The following TTLL7 variants were observed in gnomAD, a reference collection of about 807,000 sequenced individuals.
The protein encoded by TTLL7 is tubulin tyrosine ligase like 7.
In TTLL7, 53 loss-of-function variants were observed where a neutral mutation model predicts 120.2. That is an observed-to-expected ratio of 0.44 (90% confidence interval 0.35 to 0.55). TTLL7 has a LOEUF of 0.55. Ranked by LOEUF, TTLL7 falls within the 20% of genes least tolerant of loss-of-function variation. The pLI is 0.00. For synonymous variants in TTLL7, 353 were observed against 351.7 expected, an observed-to-expected ratio of 1.00 and a Z score of -0.04; for missense variants, 803 against 1,054.7, an observed-to-expected ratio of 0.76 and a Z score of 3.31.
intron 15 of TTLL7, 52 bp from the exon 16 acceptor site, chr1:83,907,713 T>C: frequency 6.6e-7 from 1 of 1,519,820 alleles, no homozygotes; most frequent in South Asian, 1.2e-5. Flanking sequence ...AATACAAGTT[T>C]TTCACTGTAT....
chr1:83,947,402 T>C (rs1367596687), intron 5 of TTLL7, 120 bp from the exon 6 acceptor site: 5 of 851,452 alleles, frequency 5.9e-6, no homozygotes, highest in Non-Finnish European at 8.8e-6. Context: ...CATTTACTTA[T>C]TCATTGATTT....
At chr1:83,885,842 G>A (rs553878545) in intron 19 of TTLL7, among the ~76,000 whole-genome samples, 2 of 152,124 alleles carry the variant, frequency 1.3e-5, no homozygotes, top group South Asian at 4.1e-4. Context: ...TTTAAAAGGT[G>A]AAGGGAGGTA....
chr1:83,998,356 G>A (rs771085669), intron 1 of TTLL7, among the ~76,000 whole-genome samples: 10 of 152,110 alleles, frequency 6.6e-5, no homozygotes, highest in Non-Finnish European at 1.0e-4. Flanking sequence ...CAGAATACAA[G>A]GCAACTTTCA....
intron 1 of TTLL7, among the ~76,000 whole-genome samples, chr1:83,997,479 T>C (rs1026555607): frequency 1.3e-5 from 2 of 152,208 alleles, no homozygotes; most frequent in African/African-American, 4.8e-5. Context: ...AGTTTCCCAC[T>C]ATATAAGAAC....
chr1:83,917,561 A>G, intron 14 of TTLL7, 43 bp downstream of exon 14: 7 of 1,356,976 alleles, frequency 5.2e-6, no homozygotes, highest in Non-Finnish European at 7.4e-6. Context: ...AAGGGCTAGT[A>G]GCATCTACTT....
rs770390715 is a variant in TTLL7, at chr1:83,882,993, G to T, written c.2513C>A (p.Ser838Ter). Residue 838 changes from serine to a stop codon, truncating the protein, a stop_gained, in exon 20 of 21, where the codon TCA becomes TAA. Coordinates refer to ENST00000260505, the MANE Select transcript of TTLL7 (RefSeq NM_024686.6). LOFTEE classifies it high-confidence loss of function. ...ATTACCCCAGTCAGGACCAATGCCT[G>T]AAAGTGATCCTCTTTTGTCAGTTGC... ...KYATDKRGSL[S>*]GIGPDWGNSR... The T allele has an allele frequency of 5.6e-6, 9 of 1,612,412 alleles. No individual in the cohort carries two copies. The South Asian group carries it at 9.9e-5, about 18-fold the overall frequency.
At chr1:83,883,383 TTGTA>T (rs563571634) in intron 19 of TTLL7, among the ~76,000 whole-genome samples, 305 of 152,000 alleles carry the variant, frequency 2.0e-3, no homozygotes, top group African/African-American at 6.6e-3. Context: ...GGGTGTGTGT[TTGTA>T]TGTGAGAGAG....
At chr1:83,891,399 A>G (rs958289705) in intron 18 of TTLL7, among the ~76,000 whole-genome samples, 2 of 152,166 alleles carry the variant, frequency 1.3e-5, no homozygotes, top group African/African-American at 4.8e-5. Flanking sequence ...ACAAAAATTA[A>G]AAGTCTGACA....
chr1:83,909,269 C>CT (rs71582911), intron 15 of TTLL7, among the ~76,000 whole-genome samples: 50,908 of 99,414 alleles, frequency 0.51, 14,113 homozygotes, highest in Non-Finnish European at 0.61. Flanking sequence ...TTTTTTTTTC[C>CT]TTTTTTTTTT....
intron 18 of TTLL7, among the ~76,000 whole-genome samples, chr1:83,892,705 A>AGC (rs1235544100): frequency 3.5e-3 from 492 of 141,698 alleles, no homozygotes; most frequent in African/African-American, 0.01. Context: ...CATATATATG[A>AGC]ACATATGAAC....
At chr1:83,917,802 T>G (rs1658320129) in intron 13 of TTLL7, 112 bp from the exon 14 acceptor site, 5 of 702,474 alleles carry the variant, frequency 7.1e-6, no homozygotes, top group Non-Finnish European at 1.2e-5. Flanking sequence ...AATTATTTAG[T>G]GAAGATTGCT....
chr1:83,907,711 T>C lies in TTLL7; in HGVS notation c.1787-50A>G, dbSNP rs201294376. 3 of 1,524,842 alleles carry C rather than the reference T, an allele frequency of 2.0e-6. No homozygotes were observed. In the East Asian group the frequency reaches 7.0e-5, roughly 36 times the overall value. 94.5% of individuals were successfully genotyped at this position (1,524,842 alleles called of 1,614,324 possible). A position where few individuals can be genotyped will look rare whatever the true frequency, so the allele number is the denominator to read the frequency against. ...ACTACAGTAGCAGTATTAATACAAG[T>C]TTTTCACTGTATGAAGTCTATATAA... is the stretch of plus-strand genomic sequence containing the variant. On this transcript the variant is annotated intron_variant, in intron 15 of 20. Coordinates refer to ENST00000260505, the MANE Select transcript of TTLL7 (RefSeq NM_024686.6).
chr1:83,993,180 TACAAA>T (rs1338426142), intron 1 of TTLL7, among the ~76,000 whole-genome samples: 1 of 152,150 alleles, frequency 6.6e-6, no homozygotes, highest in Non-Finnish European at 1.5e-5. Context: ...TCATTTCACT[TACAAA>T]ACAAAAATAG....
At chr1:83,884,052 G>T (rs1654751293) in intron 19 of TTLL7, among the ~76,000 whole-genome samples, 1 of 151,864 alleles carries the variant, frequency 6.6e-6, no homozygotes, top group Non-Finnish European at 1.5e-5. Flanking sequence ...GTATGTGTGT[G>T]TGTGTTAACA....
chr1:83,985,938 G>T (rs1218327194), intron 1 of TTLL7, among the ~76,000 whole-genome samples: 1 of 152,084 alleles, frequency 6.6e-6, no homozygotes, highest in Non-Finnish European at 1.5e-5. Flanking sequence ...TCCTGAAAAA[G>T]AAATGTCCAG....
chr1:83,971,914 G>C (rs1241615579), intron 1 of TTLL7, among the ~76,000 whole-genome samples: 3 of 149,372 alleles, frequency 2.0e-5, no homozygotes, highest in African/African-American at 7.3e-5. Flanking sequence ...TCAGAGCCTA[G>C]GGCCAAAGAT....
intron 1 of TTLL7, among the ~76,000 whole-genome samples, chr1:83,954,765 T>C (rs978759330): frequency 6.7e-6 from 1 of 149,960 alleles, no homozygotes; most frequent in African/African-American, 2.5e-5. Flanking sequence ...TAACAACACA[T>C]GAAATTATAA....
chr1:83,914,524 G>A (rs1011122927), intron 14 of TTLL7, among the ~76,000 whole-genome samples: 1 of 151,894 alleles, frequency 6.6e-6, no homozygotes, highest in African/African-American at 2.4e-5. Context: ...TAGAGACGGG[G>A]TTTCACCATG....
At chr1:83,874,895 A>G (rs1653785855) in intron 20 of TTLL7, among the ~76,000 whole-genome samples, 2 of 151,982 alleles carry the variant, frequency 1.3e-5, no homozygotes, top group African/African-American at 4.8e-5. Flanking sequence ...TATAATTTAT[A>G]TATTATGAAC....
Sources: gnomAD v4.1 joint callset for allele counts (sites outside exome capture counted in the v4.1 genomes callset) on GRCh38, gnomAD v4.1.1 for gene constraint, MANE v1.5 for transcripts, NCBI Gene and HGNC (gene_info 2026-07-23, HGNC 2026-07-21) for gene names.